The following RAD18 variants were observed in gnomAD, a reference collection of about 807,000 sequenced individuals.
The protein encoded by RAD18 is E3 ubiquitin-protein ligase RAD18.
RAD18 carries 47 observed loss-of-function variants against 60.4 expected under a neutral mutation model. That is an observed-to-expected ratio of 0.78 (90% CI 0.62 to 0.99). The LOEUF (loss-of-function observed/expected upper bound fraction) is 0.99, where lower values mean the gene tolerates loss of function less well. RAD18 is among the 50% of genes least tolerant of loss of function. RAD18 has a pLI of 0.00. For missense variants in RAD18, 640 were observed against 593.3 expected (o/e 1.08, Z -0.82); for synonymous variants, 225 against 195.5 (o/e 1.15, Z -1.26).
intron 11 of RAD18, among the ~76,000 whole-genome samples, chr3:8,897,429 T>A (rs1939806570): frequency 6.6e-6 from 1 of 152,094 alleles, no homozygotes; most frequent in African/African-American, 2.4e-5. Flanking sequence ...ATCTGAGGGG[T>A]TGAGTATGAA....
intron 1 of RAD18, among the ~76,000 whole-genome samples, chr3:8,962,908 A>G (rs45610135): frequency 0.024 from 3,717 of 152,296 alleles, 157 homozygotes; most frequent in African/African-American, 0.085. Flanking sequence ...AAGAGCCTGT[A>G]AAGGAGACTA....
intron 4 of RAD18, among the ~76,000 whole-genome samples, chr3:8,945,706 G>A (rs1384330591): frequency 2.0e-5 from 3 of 151,794 alleles, no homozygotes; most frequent in South Asian, 2.1e-4. Context: ...TCCTGACCTC[G>A]TGATCCACCC....
At chr3:8,913,571 C>A in intron 8 of RAD18, 73 bp downstream of exon 8, 2 of 1,075,278 alleles carry the variant, frequency 1.9e-6, no homozygotes, top group Non-Finnish European at 1.3e-6. Context: ...TTAATAATGG[C>A]TTGCTTTAAT....
At chr3:8,903,909 T>A (rs45513995) in intron 9 of RAD18, among the ~76,000 whole-genome samples, 5,539 of 152,224 alleles carry the variant, frequency 0.036, 300 homozygotes, top group East Asian at 0.21. Context: ...ATTTACTGGG[T>A]GTAGGGAAAA....
At position 8,902,495 on chromosome 3, in the gene RAD18, C is replaced by G; in HGVS notation, c.1053G>C (p.Gln351His). ...CTTTTCTAGCCTGATCCACCAGAAG[C>G]TGAAATTCACTCTTATGTTTTTTAC... ...KYRKKHKSEF[Q>H]LLVDQARKGY... The change falls in exon 10 of 13, where the codon CAG (glutamine) becomes CAC (histidine). Residue 351 changes from glutamine (Q) to histidine (H), a missense_variant. Gln to His is a conservative substitution (Grantham distance 24). Coordinates refer to ENST00000264926, the MANE Select transcript of RAD18 (RefSeq NM_020165.4). The G allele has an allele frequency of 6.2e-7, 1 of 1,605,676 alleles. No individual in the cohort carries two copies. The highest frequency in any genetic ancestry group is 8.5e-7 in the Non-Finnish European group (1 of 1,177,278).
At chr3:8,916,460 G>A (rs1940201459) in intron 7 of RAD18, among the ~76,000 whole-genome samples, 1 of 152,106 alleles carries the variant, frequency 6.6e-6, no homozygotes, top group East Asian at 1.9e-4. Flanking sequence ...AGTTGTGAGT[G>A]ATATATAGCT....
chr3:8,935,698 G>T (rs45485694), intron 7 of RAD18, among the ~76,000 whole-genome samples, 173 bp downstream of exon 7: 1 of 152,184 alleles, frequency 6.6e-6, no homozygotes, highest in Non-Finnish European at 1.5e-5. Context: ...AGGCTGAGAG[G>T]AAGGCTGGCT....
intron 1 of RAD18, among the ~76,000 whole-genome samples, chr3:8,959,988 G>C (rs1963640): frequency 0.11 from 17,269 of 152,068 alleles, 1,144 homozygotes; most frequent in African/African-American, 0.17. Flanking sequence ...ACTATGCTAC[G>C]GTTTGTTTAA....
At chr3:8,881,932 G>A (rs1221662929) in intron 12 of RAD18, among the ~76,000 whole-genome samples, 1 of 152,226 alleles carries the variant, frequency 6.6e-6, no homozygotes, top group Non-Finnish European at 1.5e-5. Context: ...CGAGGTGGCT[G>A]CCATACAAAC....
rs1559749234 is a variant in RAD18 at position 8,880,065 on chromosome 3, T to A, written c.*1292A>T. The A allele has an allele frequency of 6.6e-6, 1 of 152,188 alleles. No homozygotes were observed. The highest frequency in any genetic ancestry group is 1.5e-5 in the Non-Finnish European group (1 of 68,028). 9.4% of individuals were successfully genotyped at this position (152,188 alleles called of 1,614,324 possible). A position where few individuals can be genotyped will look rare whatever the true frequency, so the allele number is the denominator to read the frequency against. On this transcript the variant is annotated 3_prime_UTR_variant, in exon 13 of 13. Coordinates refer to ENST00000264926, the MANE Select transcript of RAD18 (RefSeq NM_020165.4). ...TTGGTAAGTGGTGCTTTTAGTTTCC[T>A]TAATGCACCCCTCAGGATTTCATGC...
chr3:8,946,310 C>A (rs906827781), intron 4 of RAD18, among the ~76,000 whole-genome samples: 3 of 152,182 alleles, frequency 2.0e-5, no homozygotes, highest in Non-Finnish European at 4.4e-5. Flanking sequence ...ATAGGCCCTG[C>A]CATATAGAAT....
rs45600132 is a variant in RAD18 at position 8,946,662 on chromosome 3, T to C, written c.266+558A>G. On this transcript the variant is annotated intron_variant, in intron 4 of 12. Transcript: ENST00000264926. ...TATAAAGTACAAGCAATTACATATT[T>C]CAAATGCCATACCATTTAATACATG... is the stretch of plus-strand genomic sequence containing the variant. 6.0e-3 allele frequency among the ~76,000 whole-genome samples: 912 copies of C among 152,342 alleles called. 5 individuals are homozygous for C. The highest frequency in any genetic ancestry group is 0.017 in the Middle Eastern group (5 of 294).
In RAD18 at chr3:8,924,890, C is replaced by G. The variant is rs1323667411; in HGVS notation, c.889+10981G>C. Among the ~76,000 whole-genome samples, 933 of 152,120 alleles carry G rather than the reference C, an allele frequency of 6.1e-3. 9 individuals carry two copies. The highest frequency in any genetic ancestry group is 0.021 in the African/African-American group (876 of 41,504). ...GAACAAAGACACAACATACCAGAAT[C>G]TCTGGGACACATTTAAAGCAGTGTG... On this transcript the variant is annotated intron_variant, in intron 7 of 12. Transcript: ENST00000264926.
chr3:8,950,035 G>GT (rs572507038), intron 2 of RAD18, among the ~76,000 whole-genome samples: 33 of 151,956 alleles, frequency 2.2e-4, no homozygotes, highest in African/African-American at 6.0e-4. Context: ...GTTTTGTTTT[G>GT]TTTTTTCCCC....
chr3:8,915,207 T>G (rs1357257824), intron 7 of RAD18, among the ~76,000 whole-genome samples: 1 of 151,376 alleles, frequency 6.6e-6, no homozygotes, highest in Non-Finnish European at 1.5e-5. Flanking sequence ...GGCTTAAATC[T>G]TCTTCAGGGA....
intron 12 of RAD18, among the ~76,000 whole-genome samples, chr3:8,886,735 A>G (rs1238939918): frequency 6.6e-6 from 1 of 152,196 alleles, no homozygotes; most frequent in Admixed American, 6.5e-5. Context: ...ATCTAGATGA[A>G]TAAAGGGGAA....
chr3:8,945,468 C>CATTT (rs1940824021), intron 4 of RAD18, among the ~76,000 whole-genome samples: 2 of 96,374 alleles, frequency 2.1e-5, no homozygotes, highest in African/African-American at 3.8e-5. Flanking sequence ...TTTCCATCTT[C>CATTT]TTTTTTTTTT....
At chr3:8,945,468 CTT>C (rs375744764) in intron 4 of RAD18, among the ~76,000 whole-genome samples, 22 of 96,412 alleles carry the variant, frequency 2.3e-4, no homozygotes, top group Admixed American at 7.2e-4. Flanking sequence ...TTTCCATCTT[CTT>C]TTTTTTTTTT....
intron 9 of RAD18, among the ~76,000 whole-genome samples, chr3:8,904,801 C>T (rs1939976268): frequency 6.6e-6 from 1 of 152,152 alleles, no homozygotes; most frequent in African/African-American, 2.4e-5. Context: ...TATTTTCCTA[C>T]TAAGGCCATT....
Sources: gnomAD v4.1 joint callset for allele counts (sites outside exome capture counted in the v4.1 genomes callset) on GRCh38, gnomAD v4.1.1 for gene constraint, MANE v1.5 for transcripts, NCBI Gene and HGNC (gene_info 2026-07-23, HGNC 2026-07-21) for gene names.